Variants in HSPA12A observed in about 807,000 individuals in gnomAD.
HSPA12A encodes heat shock 70 kDa protein 12A.
Under a neutral mutation model 69.2 loss-of-function variants are expected in HSPA12A, and 28 were observed. That is an observed-to-expected ratio of 0.40 (90% CI 0.30 to 0.55). The LOEUF is 0.55. Ranked by LOEUF, HSPA12A falls within the 20% of genes least tolerant of loss-of-function variation. The probability of loss-of-function intolerance (pLI) is 0.38; values close to 1 mark genes in which losing one functional copy is unlikely to be tolerated. For synonymous variants in HSPA12A, 345 were observed against 370.5 expected, an observed-to-expected ratio of 0.93 and a Z score of 0.79; for missense variants, 686 against 900.7, an observed-to-expected ratio of 0.76 and a Z score of 3.05.
rs569886970 is a variant in HSPA12A at position 116,685,562 on chromosome 10, GA to G, written c.664-1601del. ...AGGCAGGAGAAATGCTTGAACTTGGGAGGTGGAGGTTGCAGTGAGCCGAGAT... is the reference window on the plus strand; with the variant it reads ...AGGCAGGAGAAATGCTTGAACTTGGGGGTGGAGGTTGCAGTGAGCCGAGAT... On this transcript the variant is annotated intron_variant, in intron 6 of 11. Transcript: ENST00000369209. Among the ~76,000 whole-genome samples, 8 of 151,850 alleles carry G rather than the reference GA, an allele frequency of 5.3e-5. No individual in the cohort carries two copies. The South Asian group carries it at 1.7e-3, about 32-fold the overall frequency.
intron 2 of HSPA12A, among the ~76,000 whole-genome samples, chr10:116,809,828 G>C (rs1456228623): frequency 6.6e-6 from 1 of 152,218 alleles, no homozygotes; most frequent in African/African-American, 2.4e-5. Flanking sequence ...CATAACTGCA[G>C]CTTCCTCTTG....
chr10:116,833,880 ACT>A (rs1165597303), intron 2 of HSPA12A, among the ~76,000 whole-genome samples: 1 of 150,952 alleles, frequency 6.6e-6, no homozygotes, highest in African/African-American at 2.4e-5. Context: ...TTCTTTTCCT[ACT>A]CTCTGCTTTT....
At chr10:116,752,219 G>C (rs1851792077) in intron 2 of HSPA12A, among the ~76,000 whole-genome samples, 1 of 152,192 alleles carries the variant, frequency 6.6e-6, no homozygotes, top group South Asian at 2.1e-4. Flanking sequence ...GAGCCGGTCT[G>C]CTTAACCACC....
At chr10:116,832,158 G>A (rs1845628428) in intron 2 of HSPA12A, 1 of 150,646 alleles carries the variant, frequency 6.6e-6, no homozygotes. Context: ...AATGCAAAAG[G>A]GTTGATTTTG....
chr10:116,699,137 T>A (rs1850005471), intron 4 of HSPA12A, among the ~76,000 whole-genome samples: 1 of 141,686 alleles, frequency 7.1e-6, no homozygotes, highest in African/African-American at 2.7e-5. Context: ...TCCCCCCTGA[T>A]GGAGGCCTAA....
intron 2 of HSPA12A, among the ~76,000 whole-genome samples, chr10:116,812,055 G>A (rs937125074): frequency 3.3e-5 from 5 of 152,262 alleles, no homozygotes; most frequent in South Asian, 2.1e-4. Flanking sequence ...AGTGGGAGAC[G>A]GAGAGGCTTG....
At chr10:116,754,222 C>A (rs1457015811) in intron 2 of HSPA12A, among the ~76,000 whole-genome samples, 1 of 152,212 alleles carries the variant, frequency 6.6e-6, no homozygotes, top group African/African-American at 2.4e-5. Context: ...CCTGGACAGT[C>A]TTCACTCATA....
chr10:116,818,967 C>T (rs1396424298), intron 2 of HSPA12A, among the ~76,000 whole-genome samples: 2 of 152,086 alleles, frequency 1.3e-5, no homozygotes, highest in African/African-American at 4.8e-5. Flanking sequence ...CCCTTTGCAG[C>T]CCCTGTCACT....
chr10:116,819,699 G>A (rs1457298571), intron 2 of HSPA12A, among the ~76,000 whole-genome samples: 2 of 152,204 alleles, frequency 1.3e-5, no homozygotes, highest in Non-Finnish European at 2.9e-5. Flanking sequence ...GCTATGATAG[G>A]TGGGTAAGAC....
intron 1 of HSPA12A, among the ~76,000 whole-genome samples, chr10:116,839,305 G>C (rs1280396833): frequency 6.6e-6 from 1 of 152,188 alleles, no homozygotes; most frequent in East Asian, 1.9e-4. Context: ...TACTGAAGCT[G>C]CATGAGCACA....
rs569021165 is a variant in HSPA12A at position 116,699,149 on chromosome 10, C to T, written c.442-410G>A. ...GGATCCCCCCTGATGGAGGCCTAAT[C>T]GTACCAACCCACTGCCATCCACGAT... On this transcript the variant is annotated intron_variant, in intron 4 of 11. Coordinates refer to ENST00000369209, the MANE Select transcript of HSPA12A (RefSeq NM_025015.3). 5.3e-5 allele frequency among the ~76,000 whole-genome samples: 8 copies of T among 152,284 alleles called. No homozygotes were observed. In the East Asian group the frequency reaches 1.4e-3, roughly 26 times the overall value.
intron 2 of HSPA12A, among the ~76,000 whole-genome samples, chr10:116,769,757 C>T (rs1480310810): frequency 2.0e-5 from 3 of 152,230 alleles, no homozygotes; most frequent in South Asian, 2.1e-4. Flanking sequence ...CACGAAGCAG[C>T]GCTCCAAAGA....
intron 3 of HSPA12A, among the ~76,000 whole-genome samples, chr10:116,704,517 G>A (rs1406731344): frequency 2.0e-5 from 3 of 152,098 alleles, no homozygotes; most frequent in Admixed American, 6.5e-5. Context: ...GCTAAATGAC[G>A]AGTTAATGGG....
intron 2 of HSPA12A, among the ~76,000 whole-genome samples, chr10:116,752,013 C>T (rs1554888399): frequency 6.6e-6 from 1 of 152,226 alleles, no homozygotes. Flanking sequence ...CTTTATGAAT[C>T]ACCTAGTCTC....
chr10:116,684,561 T>C (rs985204506), intron 6 of HSPA12A, among the ~76,000 whole-genome samples: 6 of 151,878 alleles, frequency 4.0e-5, no homozygotes, highest in Non-Finnish European at 7.4e-5. Flanking sequence ...TTCCTGAGAT[T>C]TGCCTACTGG....
At chr10:116,713,011 T>TATATATATATATATATATATA (rs1554883335) in intron 1 of HSPA12A, among the ~76,000 whole-genome samples, 266 of 130,880 alleles carry the variant, frequency 2.0e-3, no homozygotes, top group Non-Finnish European at 2.4e-3. Context: ...TATATATATA[T>TATATATATATATATATATATA]TTGCATTTCT....
intron 2 of HSPA12A, among the ~76,000 whole-genome samples, chr10:116,773,908 T>C (rs1489904944): frequency 6.6e-6 from 1 of 152,190 alleles, no homozygotes; most frequent in Non-Finnish European, 1.5e-5. Context: ...AAATGATAAC[T>C]ATGCCACCAT....
At chr10:116,687,355 G>T (rs1849604045) in intron 6 of HSPA12A, among the ~76,000 whole-genome samples, 1 of 152,184 alleles carries the variant, frequency 6.6e-6, no homozygotes. Flanking sequence ...CCCAGGCAGT[G>T]TCTGGGAGGC....
In HSPA12A at chr10:116,742,522, G is replaced by T; in HGVS notation, c.-53C>A. The T allele has an allele frequency of 8.2e-7, 1 of 1,216,456 alleles. No homozygotes were observed. The highest frequency in any genetic ancestry group is 1.0e-6 in the Non-Finnish European group (1 of 976,718). The allele number at this position is 1,216,456 out of a possible 1,614,324, so 75.4% of individuals were successfully genotyped here. A position where few individuals can be genotyped will look rare whatever the true frequency, so the allele number is the denominator to read the frequency against. On this transcript the variant is annotated 5_prime_UTR_variant, in exon 1 of 12. Coordinates refer to ENST00000369209, the MANE Select transcript of HSPA12A (RefSeq NM_025015.3). Reference sequence around the variant, plus strand: ...AGCCTCCAGCGCAGCGCCCGTGCCCGTGCGGGTCTCTGTCCGCGTCCGCGG... The same window carrying T: ...AGCCTCCAGCGCAGCGCCCGTGCCCTTGCGGGTCTCTGTCCGCGTCCGCGG...
Sources: allele counts gnomAD v4.1 joint callset (sites outside exome capture counted in the v4.1 genomes callset), GRCh38; gene constraint gnomAD v4.1.1; transcripts MANE v1.5; gene names NCBI Gene and HGNC (gene_info 2026-07-23, HGNC 2026-07-21).